The following TBC1D19 variants were observed in gnomAD, a reference collection of about 807,000 sequenced individuals.
The protein encoded by TBC1D19 is TBC1 domain family member 19.
A neutral mutation model predicts 89.0 loss-of-function variants in TBC1D19; 60 were observed. That is an observed-to-expected ratio of 0.67 (90% CI 0.55 to 0.84). TBC1D19 has a LOEUF of 0.84. Ranked by LOEUF, TBC1D19 falls within the 40% of genes least tolerant of loss-of-function variation. TBC1D19 has a pLI of 0.00. For synonymous variants in TBC1D19, 189 were observed against 199.7 expected (o/e 0.95, Z 0.45); for missense variants, 500 against 610.8 (o/e 0.82, Z 1.91).
At chr4:26,633,783 C>T (rs932321951) in intron 4 of TBC1D19, among the ~76,000 whole-genome samples, 3 of 152,140 alleles carry the variant, frequency 2.0e-5, no homozygotes, top group Non-Finnish European at 2.9e-5. Flanking sequence ...CCTTTTTCCT[C>T]AATGATTTTA....
intron 13 of TBC1D19, among the ~76,000 whole-genome samples, chr4:26,707,842 C>G (rs1008324861): frequency 5.3e-5 from 8 of 151,928 alleles, no homozygotes; most frequent in African/African-American, 1.9e-4. Context: ...ACGGCTCTAT[C>G]CTCACCCCTT....
intron 13 of TBC1D19, among the ~76,000 whole-genome samples, chr4:26,701,076 A>G (rs190286862): frequency 2.6e-5 from 4 of 152,276 alleles, no homozygotes; most frequent in African/African-American, 9.6e-5. Context: ...TCATAAGTTC[A>G]CTATACTCCT....
chr4:26,657,012 C>CTTCTCCTTCTCCTTCTCT (rs1560451684), intron 7 of TBC1D19, among the ~76,000 whole-genome samples: 4 of 121,388 alleles, frequency 3.3e-5, no homozygotes, highest in Non-Finnish European at 7.0e-5. Context: ...TCTCCTTCTC[C>CTTCTCCTTCTCCTTCTCT]TTCTCCTTCT....
the TBC1D19 span, among the ~76,000 whole-genome samples, chr4:26,772,446 G>T: frequency 3.0e-5 from 4 of 131,360 alleles, no homozygotes; most frequent in East Asian, 7.7e-4. Context: ...TTTCTGGGTG[G>T]GGGGGAGCCA....
intron 11 of TBC1D19, among the ~76,000 whole-genome samples, chr4:26,681,390 C>CA (rs1242846983): frequency 0.016 from 2,352 of 143,122 alleles, 52 homozygotes; most frequent in African/African-American, 0.054. Context: ...ATACAAAAAA[C>CA]AAAAAAAAAA....
At chr4:26,640,788 A>G (rs1686374) in intron 7 of TBC1D19, among the ~76,000 whole-genome samples, 133,049 of 152,180 alleles carry the variant, frequency 0.87, 60,800 homozygotes, top group Non-Finnish European at 1. Context: ...CCATGCCCAC[A>G]GACCCTTGCT....
At chr4:26,589,961 G>T (rs550129742) in intron 1 of TBC1D19, among the ~76,000 whole-genome samples, 1 of 152,166 alleles carries the variant, frequency 6.6e-6, no homozygotes, top group African/African-American at 2.4e-5. Context: ...TCAGTCTTTT[G>T]TATGGGCACC....
At chr4:26,815,559 G>C in the TBC1D19 span, among the ~76,000 whole-genome samples, 2 of 152,140 alleles carry the variant, frequency 1.3e-5, no homozygotes. Context: ...CCCTTACCAG[G>C]CTGGTGCCAA....
chr4:26,720,515 G>A (rs1413347939), intron 15 of TBC1D19, among the ~76,000 whole-genome samples: 2 of 152,056 alleles, frequency 1.3e-5, no homozygotes, highest in Non-Finnish European at 1.5e-5. Flanking sequence ...TTTGACCAAT[G>A]TAGTATTTAT....
chr4:26,735,481 A>T lies in TBC1D19; in HGVS notation c.1111A>T (p.Met371Leu), dbSNP rs764525151. 4.5e-5 allele frequency: 71 copies of T among 1,565,618 alleles called. No individual in the cohort carries two copies. Among genetic ancestry groups the T allele is most frequent in the Non-Finnish European group, 6.0e-5 (69 of 1,151,946 alleles). Reference protein sequence around the residue: ...NGVIPFHGFSMYVAPLCFLYH... With the variant: ...NGVIPFHGFSLYVAPLCFLYH... ...TGTTATCCCTTTTCATGGATTTTCAATGTATGGTAAGTTGGGCTTTAAAAA... is the reference window on the plus strand; with the variant it reads ...TGTTATCCCTTTTCATGGATTTTCATTGTATGGTAAGTTGGGCTTTAAAAA... Residue 371 changes from methionine (M) to leucine (L), a missense_variant, in exon 16 of 21, where the codon ATG becomes TTG. Physicochemically the swap from Met to Leu is conservative, Grantham distance 15 (BLOSUM62 2). Coordinates refer to ENST00000264866, the MANE Select transcript of TBC1D19 (RefSeq NM_018317.4).
At chr4:26,849,973 C>G in the TBC1D19 span, among the ~76,000 whole-genome samples, 1 of 152,056 alleles carries the variant, frequency 6.6e-6, no homozygotes, top group Non-Finnish European at 1.5e-5. Context: ...TGCCACTCTA[C>G]CATTTGATTG....
the TBC1D19 span, among the ~76,000 whole-genome samples, chr4:26,838,918 A>G: frequency 2.0e-5 from 3 of 152,220 alleles, no homozygotes; most frequent in Admixed American, 6.5e-5. Flanking sequence ...TCATAATAAA[A>G]TATCAGCCTT....
In TBC1D19 at chr4:26,735,454, GGT is replaced by G; in HGVS notation, c.1087_1088del (p.Val363TyrfsTer19). The G allele has an allele frequency of 6.9e-7, 1 of 1,439,802 alleles. No homozygotes were observed. The highest frequency in any genetic ancestry group is 2.3e-5 in the Admixed American group (1 of 44,026). The allele number at this position is 1,439,802 out of a possible 1,614,324, so 89.2% of individuals were successfully genotyped here. A position where few individuals can be genotyped will look rare whatever the true frequency, so the allele number is the denominator to read the frequency against. On this transcript the variant is annotated frameshift_variant and splice_region_variant, in exon 16 of 21. Coordinates refer to ENST00000264866, the MANE Select transcript of TBC1D19 (RefSeq NM_018317.4). LOFTEE classifies it high-confidence loss of function. ...EEYAVFYPPN[G>X]VIPFHGFSMY... ...GAAAAGAAATACCTTTTTTTTTTTA[GGT>G]GTTATCCCTTTTCATGGATTTTCAA...
upstream of TBC1D19, among the ~76,000 whole-genome samples, chr4:26,580,573 G>A (rs1328724839): frequency 6.6e-6 from 1 of 152,196 alleles, no homozygotes; most frequent in Non-Finnish European, 1.5e-5. Flanking sequence ...AAGACAGTGA[G>A]GCCTGTGACA....
chr4:26,701,463 G>A (rs1715325365), intron 13 of TBC1D19, among the ~76,000 whole-genome samples: 1 of 151,900 alleles, frequency 6.6e-6, no homozygotes, highest in Admixed American at 6.6e-5. Flanking sequence ...AAGTATTTTG[G>A]TCCTTATTGT....
chr4:26,718,021 AAT>A lies in TBC1D19; in HGVS notation c.1039+5_1039+6del, dbSNP rs766077268. On this transcript the variant is annotated splice_donor_5th_base_variant and intron_variant, in intron 14 of 20. Transcript: ENST00000264866. ...CCACCAAAATCATACATAAGAGGTA[AAT>A]TTTTAATAATTTTAAGGAAGTATTA... The A allele has an allele frequency of 3.9e-5, 62 of 1,597,158 alleles. No homozygotes were observed. Among genetic ancestry groups the A allele is most frequent in the Non-Finnish European group, 5.1e-5 (59 of 1,167,190 alleles).
At chr4:26,728,031 T>G (rs1207178395) in intron 15 of TBC1D19, among the ~76,000 whole-genome samples, 1 of 152,240 alleles carries the variant, frequency 6.6e-6, no homozygotes, top group East Asian at 1.9e-4. Flanking sequence ...TCTTAATACT[T>G]GCATCCCTTT....
At chr4:26,831,774 G>A in the TBC1D19 span, among the ~76,000 whole-genome samples, 4 of 151,840 alleles carry the variant, frequency 2.6e-5, no homozygotes, top group Non-Finnish European at 4.4e-5. Context: ...TGTATTTTTA[G>A]TAGAGACGGG....
chr4:26,577,848 T>C (rs1739004712), intron 1 of TBC1D19, among the ~76,000 whole-genome samples: 1 of 152,240 alleles, frequency 6.6e-6, no homozygotes, highest in South Asian at 2.1e-4. Flanking sequence ...GATGTCGCAT[T>C]GTTAAAACCT....
Sources: gnomAD v4.1 joint callset for allele counts (sites outside exome capture counted in the v4.1 genomes callset) on GRCh38, gnomAD v4.1.1 for gene constraint, MANE v1.5 for transcripts, NCBI Gene and HGNC (gene_info 2026-07-23, HGNC 2026-07-21) for gene names.